The following INAVA variants were observed in gnomAD, a reference collection of about 807,000 sequenced individuals.
INAVA encodes the protein innate immunity activator, also known as innate immunity activator protein.
In INAVA, 32 loss-of-function variants were observed where a neutral mutation model predicts 55.3. That is an observed-to-expected ratio of 0.58 (90% CI 0.44 to 0.78). The LOEUF (loss-of-function observed/expected upper bound fraction) is 0.78, where lower values mean the gene tolerates loss of function less well. Ranked by LOEUF, INAVA falls within the 30% of genes least tolerant of loss-of-function variation. The probability of loss-of-function intolerance (pLI) is 0.00; values close to 1 mark genes in which losing one functional copy is unlikely to be tolerated. For synonymous variants in INAVA, 294 were observed against 329.4 expected (o/e 0.89, Z 1.16); for missense variants, 756 against 786.4 (o/e 0.96, Z 0.46).
intron 8 of INAVA, among the ~76,000 whole-genome samples, chr1:200,911,016 C>CTTAATGTAGTACTTTAAAAAAAGTAG (rs879667484): frequency 6.7e-6 from 1 of 148,784 alleles, no homozygotes; most frequent in African/African-American, 2.5e-5. Flanking sequence ...GCTGAAAGTA[C>CTTAATGTAGTACTTTAAAAAAAGTAG]TTAATGTAGT....
chr1:200,900,290 G>T, intron 4 of INAVA, 70 bp downstream of exon 4: 1 of 1,366,078 alleles, frequency 7.3e-7, no homozygotes, highest in Admixed American at 1.8e-5. Flanking sequence ...CCACACCTCA[G>T]CTCAGTACCC....
At chr1:200,897,182 G>A (rs916140209) in intron 1 of INAVA, among the ~76,000 whole-genome samples, 3 of 152,210 alleles carry the variant, frequency 2.0e-5, no homozygotes, top group Non-Finnish European at 2.9e-5. Context: ...TCTCCACCCC[G>A]AAGCAGGCAG....
chr1:200,903,686 C>A (rs1019692682), intron 5 of INAVA, among the ~76,000 whole-genome samples: 118 of 151,842 alleles, frequency 7.8e-4, no homozygotes, highest in Middle Eastern at 3.4e-3. Flanking sequence ...TGCCTGTAAT[C>A]CCAGCTACTC....
rs1427997662 is a variant in INAVA at position 200,913,520 on chromosome 1, C to A, written c.1645-17C>A. ...TGGTTCATTTACCCACCTGTCCTTT[C>A]TTCCTGACCCTGGCAGGTGCCCACA... On this transcript the variant is annotated splice_polypyrimidine_tract_variant and intron_variant, in intron 9 of 9. Coordinates refer to ENST00000413687, the MANE Select transcript of INAVA (RefSeq NM_001142569.3). 6.2e-7 allele frequency: 1 copy of A among 1,611,752 alleles called. No individual in the cohort carries two copies. The highest frequency in any genetic ancestry group is 1.1e-5 in the South Asian group (1 of 91,002).
At chr1:200,892,547 A>T (rs1221919368), upstream of INAVA, among the ~76,000 whole-genome samples, 1 of 152,184 alleles carries the variant, frequency 6.6e-6, no homozygotes, top group Non-Finnish European at 1.5e-5. Flanking sequence ...GTCTGCAAAG[A>T]TCAGATTCCA....
chr1:200,912,965 G>A (rs1467855692), intron 9 of INAVA, among the ~76,000 whole-genome samples: 1 of 152,134 alleles, frequency 6.6e-6, no homozygotes, highest in Non-Finnish European at 1.5e-5. Flanking sequence ...TGGAAGTGGG[G>A]AGCCACACAC....
chr1:200,893,927 C>T (rs884357), upstream of INAVA, among the ~76,000 whole-genome samples: 37,256 of 124,130 alleles, frequency 0.3, 5,246 homozygotes, highest in Non-Finnish European at 0.37. Flanking sequence ...GAATCTGGGT[C>T]GGGGGAATGG....
At chr1:200,901,467 G>A (rs1031226049) in intron 5 of INAVA, among the ~76,000 whole-genome samples, 6 of 152,248 alleles carry the variant, frequency 3.9e-5, no homozygotes, top group African/African-American at 1.4e-4. Context: ...AATCCAAGGT[G>A]TATTCAACTG....
chr1:200,900,924 C>T lies in INAVA; in HGVS notation c.298-13C>T, dbSNP rs769933361. On this transcript the variant is annotated splice_polypyrimidine_tract_variant and intron_variant, in intron 4 of 9. Transcript: ENST00000413687. ...CTGCCTCTCTCTAGCCTCACTCCTGCCCCCTCTCTCAGGACCCCCTAAGCA... is the reference window on the plus strand; with the variant it reads ...CTGCCTCTCTCTAGCCTCACTCCTGTCCCCTCTCTCAGGACCCCCTAAGCA... 1.3e-4 allele frequency: 199 copies of T among 1,534,088 alleles called. No homozygotes were observed. Among genetic ancestry groups the T allele is most frequent in the Admixed American group, 5.7e-4 (28 of 49,514 alleles).
rs1653906266 is a variant in INAVA, at chr1:200,915,574, G to T, written c.*1945G>T. The T allele has an allele frequency of 6.6e-6, 1 of 152,174 alleles. No individual in the cohort carries two copies. Among genetic ancestry groups the T allele is most frequent in the African/African-American group, 2.4e-5 (1 of 41,384 alleles). The allele number at this position is 152,174 out of a possible 1,614,324, so 9.4% of individuals were successfully genotyped here. On this transcript the variant is annotated 3_prime_UTR_variant, in exon 10 of 10. Transcript: ENST00000413687. ...CCTTGTTCTGAGCCAGGAGACGGCT[G>T]AGCACTGGCCCTCCACACCTAAGCG...
upstream of INAVA, among the ~76,000 whole-genome samples, chr1:200,891,929 G>C (rs1668246856): frequency 6.6e-6 from 1 of 152,146 alleles, no homozygotes; most frequent in African/African-American, 2.4e-5. Flanking sequence ...CAGGTTCCGG[G>C]AAGCCAGAAA....
intron 9 of INAVA, 94 bp downstream of exon 9, chr1:200,912,231 A>T: frequency 8.6e-7 from 1 of 1,164,460 alleles, no homozygotes; most frequent in Non-Finnish European, 1.2e-6. Context: ...GTACAGAGGC[A>T]TCAAAGCAGC....
upstream of INAVA, among the ~76,000 whole-genome samples, chr1:200,893,451 C>T (rs970479296): frequency 2.6e-5 from 4 of 152,164 alleles, no homozygotes; most frequent in Admixed American, 2.6e-4. Flanking sequence ...GAGGAAGGGC[C>T]GCTTATGCCC....
At chr1:200,896,628 G>A (rs1190561409) in intron 1 of INAVA, among the ~76,000 whole-genome samples, 1 of 152,206 alleles carries the variant, frequency 6.6e-6, no homozygotes, top group Admixed American at 6.5e-5. Context: ...TTGCTTTCAG[G>A]GCTTTGTGTT....
Position 200,899,357 on chromosome 1 carries a change from A to ATG in INAVA, c.56-101_56-100dup, listed in dbSNP as rs138282802. On this transcript the variant is annotated intron_variant, in intron 2 of 9. Transcript: ENST00000413687. ...CCTGCAATTTGTGGGCAGGCATGAG[A>ATG]TGTGTGTGTGTGTGTGCATGTGTGT... The ATG allele has an allele frequency of 8.6e-3, 11,271 of 1,311,216 alleles. 369 individuals are homozygous for ATG. The African/African-American group carries it at 0.11, about 13-fold the overall frequency. 81.2% of individuals were successfully genotyped at this position (1,311,216 alleles called of 1,614,324 possible).
upstream of INAVA, among the ~76,000 whole-genome samples, chr1:200,892,488 A>T (rs1046403647): frequency 6.6e-6 from 1 of 152,188 alleles, no homozygotes; most frequent in Non-Finnish European, 1.5e-5. Context: ...TCCTCAGGAA[A>T]CGAAAACACT....
At chr1:200,912,804 G>A (rs59757713) in intron 9 of INAVA, among the ~76,000 whole-genome samples, 12,345 of 152,170 alleles carry the variant, frequency 0.081, 688 homozygotes, top group East Asian at 0.19. Context: ...AATGATTAGA[G>A]CAATGCATGG....
chr1:200,896,529 A>T (rs758867790), intron 1 of INAVA, among the ~76,000 whole-genome samples: 93 of 152,310 alleles, frequency 6.1e-4, no homozygotes, highest in Non-Finnish European at 1.0e-3. Flanking sequence ...ATGTTTGCAA[A>T]GGCCTCCCAT....
chr1:200,896,077 G>A (rs745900863), intron 1 of INAVA, among the ~76,000 whole-genome samples: 50 of 152,160 alleles, frequency 3.3e-4, no homozygotes, highest in African/African-American at 1.2e-3. Context: ...GACGGGAGGC[G>A]TGCTAAGGTA....
Sources: allele counts gnomAD v4.1 joint callset (sites outside exome capture counted in the v4.1 genomes callset), GRCh38; gene constraint gnomAD v4.1.1; transcripts MANE v1.5; gene names NCBI Gene and HGNC (gene_info 2026-07-23, HGNC 2026-07-21).